XKR4: variants seen among roughly 807,000 people sequenced by gnomAD.
XKR4 encodes XK related 4, also known as XK-related protein 4.
XKR4 carries 12 observed loss-of-function variants against 53.9 expected under a neutral mutation model. The ratio of observed to expected loss-of-function variants is 0.22; its 90% CI spans 0.14 to 0.36. XKR4 has a LOEUF of 0.36. XKR4 is among the 10% of genes least tolerant of loss of function. XKR4 has a pLI of 1.00. For missense variants in XKR4, 799 were observed against 859.5 expected, an observed-to-expected ratio of 0.93 and a Z score of 0.88; for synonymous variants, 354 against 362.4, an observed-to-expected ratio of 0.98 and a Z score of 0.26.
At position 55,539,057 on chromosome 8, in the gene XKR4, C is replaced by A. The variant is rs1807068350; in HGVS notation, c.*14830C>A. ...GATAAAGGACACAGTGTGAAAACAA[C>A]ATCAGAGAATATCCTGTACAACTTC... is the stretch of plus-strand genomic sequence containing the variant. On this transcript the variant is annotated 3_prime_UTR_variant, in exon 3 of 3. Transcript: ENST00000327381. 6.6e-6 allele frequency: 1 copy of A among 152,206 alleles called. No individual in the cohort carries two copies. The highest frequency in any genetic ancestry group is 1.5e-5 in the Non-Finnish European group (1 of 68,040). The allele number at this position is 152,206 out of a possible 1,614,324, so 9.4% of individuals were successfully genotyped here.
chr8:55,361,175 A>G (rs1803898458), intron 2 of XKR4, among the ~76,000 whole-genome samples: 1 of 152,230 alleles, frequency 6.6e-6, no homozygotes, highest in Admixed American at 6.5e-5. Flanking sequence ...CTGCACAGGT[A>G]GTGCTCACTG....
At chr8:55,386,108 T>A (rs1260513007) in intron 2 of XKR4, among the ~76,000 whole-genome samples, 3 of 152,192 alleles carry the variant, frequency 2.0e-5, no homozygotes, top group Non-Finnish European at 4.4e-5. Flanking sequence ...AAAATGCTTA[T>A]CCATTTTGTA....
chr8:55,262,944 A>G (rs964247600), intron 1 of XKR4, among the ~76,000 whole-genome samples: 3 of 152,170 alleles, frequency 2.0e-5, no homozygotes, highest in Non-Finnish European at 2.9e-5. Context: ...TCCTACAAGA[A>G]TAGAAACCCT....
Position 55,534,394 on chromosome 8 carries a change from G to A in XKR4, c.*10167G>A, listed in dbSNP as rs547700384. 9.0e-4 allele frequency: 17 copies of A among 18,880 alleles called. 2 individuals are homozygous for A. The Admixed American group carries it at 0.017, about 19-fold the overall frequency. The allele number at this position is 18,880 out of a possible 1,614,324, so 1.2% of individuals were successfully genotyped here. A position where few individuals can be genotyped will look rare whatever the true frequency, so the allele number is the denominator to read the frequency against. On this transcript the variant is annotated 3_prime_UTR_variant, in exon 3 of 3. Coordinates refer to ENST00000327381, the MANE Select transcript of XKR4 (RefSeq NM_052898.2). Reference sequence around the variant, plus strand: ...TTTTTTTTTTTTTTTTTTTTTTTGAGACAGAGTCTCGCTCTGTCGCAGGGG... The same window carrying A: ...TTTTTTTTTTTTTTTTTTTTTTTGAAACAGAGTCTCGCTCTGTCGCAGGGG...
At chr8:55,254,023 C>T (rs558988725) in intron 1 of XKR4, among the ~76,000 whole-genome samples, 4 of 151,996 alleles carry the variant, frequency 2.6e-5, no homozygotes, top group East Asian at 1.9e-4. Context: ...CCTGGCCTGT[C>T]GCCTATTTTC....
At chr8:55,457,438 G>T (rs571763446) in intron 2 of XKR4, among the ~76,000 whole-genome samples, 116 of 152,238 alleles carry the variant, frequency 7.6e-4, no homozygotes, top group African/African-American at 2.7e-3. Flanking sequence ...CACCGTGCCT[G>T]GCTTTGCTGA....
intron 1 of XKR4, among the ~76,000 whole-genome samples, chr8:55,155,283 C>A (rs76891007): frequency 0.19 from 28,411 of 152,072 alleles, 3,056 homozygotes; most frequent in Middle Eastern, 0.33. Context: ...ATGAACAACG[C>A]TGGTGAAAAT....
intron 2 of XKR4, among the ~76,000 whole-genome samples, chr8:55,514,246 TTC>T (rs1373741617): frequency 1.5e-5 from 2 of 135,176 alleles, no homozygotes; most frequent in Non-Finnish European, 3.2e-5. Flanking sequence ...CATGCTGGGA[TTC>T]TTTTTTTTTT....
intron 2 of XKR4, among the ~76,000 whole-genome samples, chr8:55,516,513 G>C: frequency 6.6e-6 from 1 of 152,118 alleles, no homozygotes; most frequent in East Asian, 1.9e-4. Flanking sequence ...AATGGGGAGA[G>C]AAAAAGGGAA....
chr8:55,173,528 T>C (rs1250500092), intron 1 of XKR4, among the ~76,000 whole-genome samples: 1 of 152,224 alleles, frequency 6.6e-6, no homozygotes, highest in Non-Finnish European at 1.5e-5. Context: ...TCCTCTATTC[T>C]CCACCCTTCC....
At chr8:55,107,867 A>G (rs1816171287) in intron 1 of XKR4, among the ~76,000 whole-genome samples, 1 of 152,182 alleles carries the variant, frequency 6.6e-6, no homozygotes, top group African/African-American at 2.4e-5. Context: ...TTTCCTCTCT[A>G]TACATATAAA....
chr8:55,369,368 AG>A (rs1471859679), intron 2 of XKR4, among the ~76,000 whole-genome samples: 4 of 12,554 alleles, frequency 3.2e-4, no homozygotes, highest in Non-Finnish European at 3.9e-4. Context: ...AGGGAAGGGA[AG>A]GGGAGGGGAG....
chr8:55,315,107 A>C (rs1233709141), intron 1 of XKR4, among the ~76,000 whole-genome samples: 2 of 152,234 alleles, frequency 1.3e-5, no homozygotes, highest in Non-Finnish European at 2.9e-5. Flanking sequence ...GGTTAGAGCA[A>C]TGTGTCAACT....
At chr8:55,329,824 A>G (rs543502034) in intron 1 of XKR4, among the ~76,000 whole-genome samples, 47 of 152,322 alleles carry the variant, frequency 3.1e-4, no homozygotes, top group African/African-American at 1.1e-3. Context: ...ACTTTCGACT[A>G]CCAAAAGCAC....
At chr8:55,478,470 G>A (rs929732566) in intron 2 of XKR4, among the ~76,000 whole-genome samples, 2 of 151,958 alleles carry the variant, frequency 1.3e-5, no homozygotes, top group African/African-American at 4.8e-5. Context: ...GACCATCAAG[G>A]CTAGGAAGAA....
chr8:55,200,803 A>G (rs1373794497), intron 1 of XKR4, among the ~76,000 whole-genome samples: 10 of 152,248 alleles, frequency 6.6e-5, no homozygotes. Context: ...ATGCCAGCAG[A>G]AACAGTAATG....
chr8:55,275,998 C>T (rs539607147), intron 1 of XKR4, among the ~76,000 whole-genome samples: 3 of 152,168 alleles, frequency 2.0e-5, no homozygotes, highest in Non-Finnish European at 4.4e-5. Context: ...CATTTTGATG[C>T]CTTGTTTACA....
chr8:55,452,398 A>C, intron 2 of XKR4: 1 of 626,100 alleles, frequency 1.6e-6, no homozygotes. Flanking sequence ...GTAGTGAGGA[A>C]GAGGGCGCCC....
At chr8:55,446,864 T>G (rs1019583289) in intron 2 of XKR4, among the ~76,000 whole-genome samples, 1 of 152,178 alleles carries the variant, frequency 6.6e-6, no homozygotes, top group Non-Finnish European at 1.5e-5. Context: ...GAGTGGAAGA[T>G]AGTCTTCAAA....
Sources: allele counts gnomAD v4.1 joint callset (sites outside exome capture counted in the v4.1 genomes callset), GRCh38; gene constraint gnomAD v4.1.1; transcripts MANE v1.5; gene names NCBI Gene and HGNC (gene_info 2026-07-23, HGNC 2026-07-21).